The following MRE11 variants were observed in gnomAD, a reference collection of about 807,000 sequenced individuals.
MRE11 encodes the protein MRE11 double strand break repair nuclease.
MRE11 carries 62 observed loss-of-function variants against 91.7 expected under a neutral mutation model. The observed-to-expected ratio is 0.68, with a 90% CI of 0.55 to 0.84. The LOEUF is 0.84. MRE11 is among the 40% of genes least tolerant of loss of function. MRE11 has a pLI of 0.00. For missense variants in MRE11, 796 were observed against 852.9 expected (o/e 0.93, Z 0.83); for synonymous variants, 273 against 271.4 (o/e 1.01, Z -0.06).
Position 94,464,171 on chromosome 11 carries a change from T to C in MRE11, c.1167A>G (p.Val389=), listed in dbSNP as rs763074043. 1.9e-6 allele frequency: 3 copies of C among 1,614,002 alleles called. No homozygotes were observed. The highest frequency in any genetic ancestry group is 1.1e-5 in the South Asian group (1 of 91,082). Residue 389 remains valine (V), a synonymous_variant, in exon 11 of 20, where the codon GTA becomes GTG. Coordinates refer to ENST00000323929, the MANE Select transcript of MRE11 (RefSeq NM_005591.4). ...LRFSQKFVDR[V]ANPKDIIHFF... ...AATGGATAATGTCTTTTGGATTAGC[T>C]ACCCGATCCACAAATTTCTGGCTAA... is the stretch of plus-strand genomic sequence containing the variant.
At chr11:94,509,792 C>T in the MRE11 span, among the ~76,000 whole-genome samples, 2 of 152,088 alleles carry the variant, frequency 1.3e-5, no homozygotes, top group African/African-American at 4.8e-5. Flanking sequence ...TTAATTTCTT[C>T]CTTTTTTATT....
intron 19 of MRE11, among the ~76,000 whole-genome samples, chr11:94,426,118 C>T (rs1294470909): frequency 6.6e-6 from 1 of 152,056 alleles, no homozygotes; most frequent in Non-Finnish European, 1.5e-5. Context: ...CAAAATCATA[C>T]CAAGTATACT....
intron 13 of MRE11, 108 bp downstream of exon 13, chr11:94,459,300 C>G (rs1946350620): frequency 1.7e-6 from 2 of 1,162,942 alleles, no homozygotes; most frequent in Non-Finnish European, 2.5e-6. Context: ...ATGAGAAAAA[C>G]TAAACAAATC....
At chr11:94,465,488 C>T (rs995196968) in intron 10 of MRE11, among the ~76,000 whole-genome samples, 4 of 151,460 alleles carry the variant, frequency 2.6e-5, no homozygotes, top group Admixed American at 6.6e-5. Flanking sequence ...CTCTGCCTCC[C>T]GGGTTCAAGC....
At chr11:94,447,991 CA>C (rs529900520) in intron 14 of MRE11, among the ~76,000 whole-genome samples, 287 of 151,976 alleles carry the variant, frequency 1.9e-3, no homozygotes, top group African/African-American at 6.6e-3. Context: ...TAAAATTTTA[CA>C]GAATCAAAAT....
intron 15 of MRE11, among the ~76,000 whole-genome samples, chr11:94,446,466 TAAG>T (rs934108999): frequency 3.9e-4 from 59 of 152,216 alleles, no homozygotes; most frequent in African/African-American, 1.3e-3. Context: ...TTTGTAAATG[TAAG>T]AATAGTGAAA....
intron 19 of MRE11, among the ~76,000 whole-genome samples, chr11:94,425,635 T>G (rs540134660): frequency 1.1e-3 from 160 of 152,024 alleles, no homozygotes; most frequent in African/African-American, 3.6e-3. Context: ...AGGCTCAAAG[T>G]AAAGGGATGG....
rs1555005493 is a variant in MRE11 at position 94,447,435 on chromosome 11, T to C, written c.1567A>G (p.Met523Val). Reference protein sequence around the residue: ...NEEDDEVREAMTRARALRSQS... With the variant: ...NEEDDEVREAVTRARALRSQS... ...GATCTGAGTGCTCTGGCCCTGGTCATAGCCTAAGAGGGAGAAGAAGGAGAA... is the reference window on the plus strand; with the variant it reads ...GATCTGAGTGCTCTGGCCCTGGTCACAGCCTAAGAGGGAGAAGAAGGAGAA... The change falls in exon 15 of 20, where the codon ATG becomes GTG. Residue 523 changes from methionine (M) to valine (V), a missense_variant. Coordinates refer to ENST00000323929, the MANE Select transcript of MRE11 (RefSeq NM_005591.4). 6.2e-7 allele frequency: 1 copy of C among 1,613,888 alleles called. No individual in the cohort carries two copies. Among genetic ancestry groups the C allele is most frequent in the South Asian group, 1.1e-5 (1 of 91,088 alleles).
intron 16 of MRE11, among the ~76,000 whole-genome samples, chr11:94,442,195 A>C (rs1945800695): frequency 6.6e-6 from 1 of 152,160 alleles, no homozygotes; most frequent in South Asian, 2.1e-4. Flanking sequence ...ATAGCAGTTC[A>C]GAGATTCATG....
chr11:94,460,300 A>C (rs1946381504), intron 12 of MRE11, among the ~76,000 whole-genome samples: 1 of 152,208 alleles, frequency 6.6e-6, no homozygotes, highest in South Asian at 2.1e-4. Flanking sequence ...AAGTTTGTGG[A>C]AATTTGTTTC....
At chr11:94,482,819 T>TC (rs1331086111) in intron 4 of MRE11, among the ~76,000 whole-genome samples, 1 of 152,082 alleles carries the variant, frequency 6.6e-6, no homozygotes, top group Non-Finnish European at 1.5e-5. Context: ...ACACTTGTAG[T>TC]CCCAGCTACT....
intron 19 of MRE11, among the ~76,000 whole-genome samples, chr11:94,424,531 T>G (rs1945257208): frequency 6.6e-6 from 1 of 152,096 alleles, no homozygotes; most frequent in South Asian, 2.1e-4. Flanking sequence ...AAGACAGACA[T>G]ACAATTTAGA....
In MRE11 at chr11:94,419,686, G is replaced by GA. The variant is rs1265149940; in HGVS notation, c.*438dup. The GA allele has an allele frequency of 7.2e-5, 17 of 236,216 alleles. No individual in the cohort carries two copies. The highest frequency in any genetic ancestry group is 1.2e-4 in the Non-Finnish European group (14 of 120,242). The allele number at this position is 236,216 out of a possible 1,614,324, so 14.6% of individuals were successfully genotyped here. ...TCATTTAGTCTTATAAGAAGCATTG[G>GA]AAAAAAACATACATAGTAACAAACA... On this transcript the variant is annotated 3_prime_UTR_variant, in exon 20 of 20. Transcript: ENST00000323929.
intron 18 of MRE11, among the ~76,000 whole-genome samples, chr11:94,430,737 G>C (rs984613396): frequency 6.6e-6 from 1 of 152,016 alleles, no homozygotes; most frequent in East Asian, 1.9e-4. Context: ...CCAAATGCTA[G>C]GATTACAGGC....
At chr11:94,459,943 C>G (rs564770728) in intron 12 of MRE11, among the ~76,000 whole-genome samples, 6 of 152,250 alleles carry the variant, frequency 3.9e-5, no homozygotes, top group African/African-American at 1.2e-4. Context: ...GGTTGCTAAT[C>G]AGCTGTCTGT....
chr11:94,485,915 T>C lies in MRE11; in HGVS notation c.314+9A>G. ...GTAATCACTCACTCAAGTAAATAAATATACTTACTTACTAAAACCAAAGTT... is the reference window on the plus strand; with the variant it reads ...GTAATCACTCACTCAAGTAAATAAACATACTTACTTACTAAAACCAAAGTT... On this transcript the variant is annotated intron_variant, in intron 4 of 19. Coordinates refer to ENST00000323929, the MANE Select transcript of MRE11 (RefSeq NM_005591.4). The C allele has an allele frequency of 1.2e-6, 2 of 1,611,548 alleles. No homozygotes were observed. Among genetic ancestry groups the C allele is most frequent in the Non-Finnish European group, 1.7e-6 (2 of 1,179,318 alleles).
At chr11:94,461,614 C>T (rs751818043) in intron 11 of MRE11, among the ~76,000 whole-genome samples, 3 of 152,130 alleles carry the variant, frequency 2.0e-5, no homozygotes, top group East Asian at 1.9e-4. Flanking sequence ...TTGGAAGTTC[C>T]GGCCAGGGCA....
At chr11:94,450,581 A>C (rs767164975) in intron 14 of MRE11, among the ~76,000 whole-genome samples, 5 of 152,136 alleles carry the variant, frequency 3.3e-5, no homozygotes, top group Non-Finnish European at 4.4e-5. Context: ...ATAAAAAATT[A>C]ATAATAAAGC....
chr11:94,420,883 T>C (rs1038739800), intron 19 of MRE11, among the ~76,000 whole-genome samples: 3 of 151,970 alleles, frequency 2.0e-5, no homozygotes, highest in Admixed American at 2.0e-4. Context: ...ATACAAAAAA[T>C]TGGCCGGGTG....
Sources: gnomAD v4.1 joint callset for allele counts (sites outside exome capture counted in the v4.1 genomes callset) on GRCh38, gnomAD v4.1.1 for gene constraint, MANE v1.5 for transcripts, NCBI Gene and HGNC (gene_info 2026-07-23, HGNC 2026-07-21) for gene names.